The following MXRA5 variants were observed in gnomAD, a reference collection of about 807,000 sequenced individuals.
The protein encoded by MXRA5 is matrix remodeling associated 5, also known as matrix-remodeling-associated protein 5.
A neutral mutation model predicts 112.5 loss-of-function variants in MXRA5; 41 were observed. The ratio of observed to expected loss-of-function variants is 0.36; its 90% confidence interval spans 0.28 to 0.47. The LOEUF (loss-of-function observed/expected upper bound fraction) is 0.47, where lower values mean the gene tolerates loss of function less well. Ranked by LOEUF, MXRA5 falls within the 20% of genes least tolerant of loss-of-function variation. The pLI is 0.99. For missense variants in MXRA5, 2,150 were observed against 2,251.0 expected, an observed-to-expected ratio of 0.96 and a Z score of 0.91; for synonymous variants, 862 against 900.8, an observed-to-expected ratio of 0.96 and a Z score of 0.77.
intron 4 of MXRA5, among the ~76,000 whole-genome samples, chrX:3,326,927 T>C (rs1031905505): frequency 8.9e-6 from 1 of 111,900 alleles, no homozygotes; most frequent in Non-Finnish European, 1.9e-5. Flanking sequence ...CACACCCCAT[T>C]GCCTCTTTGA....
Position 3,320,475 on chromosome X carries a change from G to A in MXRA5, c.5210C>T (p.Thr1737Ile), listed in dbSNP as rs201840964. ...NGRLPFFTNK[T>I]LSFPQLGVTR... ...GACTCCCAACTGTGGAAAAGAAAGAGTCTTGTTGGTAAAGAAAGGGAGTCT... is the reference window on the plus strand; with the variant it reads ...GACTCCCAACTGTGGAAAAGAAAGAATCTTGTTGGTAAAGAAAGGGAGTCT... Residue 1737 changes from threonine to isoleucine, a missense_variant, in exon 5 of 7, where the codon ACT becomes ATT. Physicochemically the swap from Thr to Ile is moderately conservative, Grantham distance 89. Transcript: ENST00000217939. 1 of 1,209,599 alleles carries A rather than the reference G, an allele frequency of 8.3e-7. No homozygotes were observed. Among genetic ancestry groups the A allele is most frequent in the East Asian group, 3.0e-5 (1 of 33,766 alleles).
At chrX:3,312,955 A>G (rs141318966) in intron 6 of MXRA5, among the ~76,000 whole-genome samples, 9,853 of 112,082 alleles carry the variant, frequency 0.088, 469 homozygotes, top group African/African-American at 0.19. Flanking sequence ...CAACCTAATC[A>G]TTGTAATAAA....
At chrX:3,344,087 C>A (rs1351290824) in intron 1 of MXRA5, among the ~76,000 whole-genome samples, 1 of 109,341 alleles carries the variant, frequency 9.1e-6, no homozygotes, top group Non-Finnish European at 1.9e-5. Flanking sequence ...AGTCTTGATT[C>A]TTGGCTTCGA....
chrX:3,321,531 G>A lies in MXRA5; in HGVS notation c.4154C>T (p.Thr1385Met), dbSNP rs755896826. The A allele has an allele frequency of 1.0e-4, 124 of 1,207,992 alleles. No homozygotes were observed. Among genetic ancestry groups the A allele is most frequent in the Middle Eastern group, 2.5e-4 (1 of 4,048 alleles). ...TGTCTGTAGCCTCCCAGGCTGGGCC[G>A]TCCTTGAGGGATTCCAGGTTGGAGT... ...PGTPTWNPSR[T>M]AQPGRLQTGI... The change falls in exon 5 of 7, where the codon ACG becomes ATG. Residue 1385 changes from threonine to methionine, a missense_variant. Thr to Met is a moderately conservative substitution (Grantham distance 81, BLOSUM62 -1). Around this residue, in one of 6 missense-constraint regions of MXRA5, gnomAD observed 1,485 missense variants for 1,471.6 expected, o/e 1.01. Coordinates refer to ENST00000217939, the MANE Select transcript of MXRA5 (RefSeq NM_015419.4).
Position 3,310,701 on chromosome X carries a change from C to A in MXRA5, c.7502G>T (p.Gly2501Val). ...YGNRITVHGN[G>V]SLDIRSLRKS... Reference sequence around the variant, plus strand: ...CCTCAAACTCCTGATGTCCAGGGAACCGTTGCCATGGACAGTGATCCGGTT... The same window carrying A: ...CCTCAAACTCCTGATGTCCAGGGAAACGTTGCCATGGACAGTGATCCGGTT... The change falls in exon 7 of 7, where the codon GGT becomes GTT. Residue 2501 changes from glycine (G) to valine (V), a missense_variant. Around this residue, in one of 6 missense-constraint regions of MXRA5, gnomAD observed 93 missense variants for 135.5 expected, o/e 0.69. Coordinates refer to ENST00000217939, the MANE Select transcript of MXRA5 (RefSeq NM_015419.4). The A allele has an allele frequency of 8.4e-7, 1 of 1,193,693 alleles. No homozygotes were observed. The highest frequency in any genetic ancestry group is 1.1e-6 in the Non-Finnish European group (1 of 887,424).
At position 3,311,567 on chromosome X, in the gene MXRA5, C is replaced by T. The variant is rs754652593; in HGVS notation, c.6636G>A (p.Thr2212=). 17 of 1,210,250 alleles carry T rather than the reference C, an allele frequency of 1.4e-5. No individual in the cohort carries two copies. Among genetic ancestry groups the T allele is most frequent in the South Asian group, 5.3e-5 (3 of 56,802 alleles). Residue 2212 remains threonine, a synonymous_variant, in exon 7 of 7, where the codon ACG becomes ACA. Transcript: ENST00000217939. ...ACAGGTAATCTCCGGCATCTTTGTC[C>T]GTCACTGATTTCACCACCAGGGTCC... ...ANGTLVVKSV[T]DKDAGDYLCV...
rs1180549288 is a variant in MXRA5, at chrX:3,321,647, T to C, written c.4038A>G (p.Glu1346=). ...KHKSDILVTG[E]SITNAIPTSR... is the part of the protein sequence containing the mutation. The stretch of plus-strand genomic sequence containing the variant: ...AAGTTGGTATGGCATTAGTAATTGA[T>C]TCACCAGTGACTAAAATGTCACTTT... The change falls in exon 5 of 7, where the codon GAA becomes GAG. Residue 1346 remains glutamate (E), a synonymous_variant. Coordinates refer to ENST00000217939, the MANE Select transcript of MXRA5 (RefSeq NM_015419.4). 8.3e-7 allele frequency: 1 copy of C among 1,211,369 alleles called. No individual in the cohort carries two copies. The highest frequency in any genetic ancestry group is 1.1e-6 in the Non-Finnish European group (1 of 895,042).
At chrX:3,330,958 A>G (rs1447760269) in intron 2 of MXRA5, among the ~76,000 whole-genome samples, 185 bp from the exon 3 acceptor site, 3 of 111,524 alleles carry the variant, frequency 2.7e-5, no homozygotes, top group South Asian at 3.8e-4. Context: ...GCTGGAGTGC[A>G]GCGGTGCAAT....
Position 3,322,418 on chromosome X carries a change from C to G in MXRA5, c.3267G>C (p.Glu1089Asp). The G allele has an allele frequency of 8.3e-7, 1 of 1,211,454 alleles. No homozygotes were observed. The highest frequency in any genetic ancestry group is 1.1e-6 in the Non-Finnish European group (1 of 895,323). The change falls in exon 5 of 7, where the codon GAG becomes GAC. Residue 1089 changes from glutamate to aspartate, a missense_variant. Glu to Asp is a conservative substitution (Grantham distance 45). Around this residue, in one of 6 missense-constraint regions of MXRA5, gnomAD observed 1,485 missense variants for 1,471.6 expected, o/e 1.01. Transcript: ENST00000217939. The stretch of plus-strand genomic sequence containing the variant: ...AGTCAGGCAAAGTGATGGATTTGCT[C>G]TCTTGGCCCTCACTCTCAGAACTTC... ...HSRSSESEGQ[E>D]SKSITLPDST...
chrX:3,317,132 C>A lies in MXRA5; in HGVS notation c.6549G>T (p.Pro2183=), dbSNP rs775422507. Residue 2183 remains proline, a synonymous_variant, in exon 6 of 7, where the codon CCG becomes CCT. Transcript: ENST00000217939. ...DPWPRILWRL[P]SKRMIDALFS... ...AGAGCGCGTCGATCATCCTCTTGGACGGCAGCCTCCAGAGGATGCGCGGCC... is the reference window on the plus strand; with the variant it reads ...AGAGCGCGTCGATCATCCTCTTGGAAGGCAGCCTCCAGAGGATGCGCGGCC... The A allele has an allele frequency of 8.4e-7, 1 of 1,185,052 alleles. No individual in the cohort carries two copies. Among genetic ancestry groups the A allele is most frequent in the East Asian group, 3.0e-5 (1 of 32,844 alleles).
intron 4 of MXRA5, among the ~76,000 whole-genome samples, chrX:3,325,965 T>C (rs1265331699): frequency 2.0e-5 from 1 of 49,894 alleles, no homozygotes; most frequent in Non-Finnish European, 4.2e-5. Flanking sequence ...ATATAATTTA[T>C]AATTATAAAT....
At chrX:3,314,806 G>T (rs1228853410) in intron 6 of MXRA5, among the ~76,000 whole-genome samples, 1 of 109,416 alleles carries the variant, frequency 9.1e-6, no homozygotes, top group African/African-American at 3.3e-5. Flanking sequence ...AAAAAATGTT[G>T]CCAGACATAG....
intron 6 of MXRA5, among the ~76,000 whole-genome samples, chrX:3,312,867 G>T (rs1161546057): frequency 8.9e-6 from 1 of 111,854 alleles, no homozygotes; most frequent in Admixed American, 9.4e-5. Context: ...ACCATACCTG[G>T]CAAGACTCCA....
At chrX:3,315,397 A>G (rs1379925259) in intron 6 of MXRA5, among the ~76,000 whole-genome samples, 64 of 84,694 alleles carry the variant, frequency 7.6e-4, no homozygotes, top group East Asian at 9.8e-4. Context: ...TAGATGATAG[A>G]TAGATAGATA....
At position 3,320,368 on chromosome X, in the gene MXRA5, G is replaced by A. The variant is rs777185808; in HGVS notation, c.5317C>T (p.His1773Tyr). 1 of 1,210,222 alleles carries A rather than the reference G, an allele frequency of 8.3e-7. No homozygotes were observed. Among genetic ancestry groups the A allele is most frequent in the East Asian group, 3.0e-5 (1 of 33,783 alleles). Residue 1773 changes from histidine (H) to tyrosine (Y), a missense_variant, in exon 5 of 7, where the codon CAT becomes TAT. Physicochemically the swap from His to Tyr is moderately conservative, Grantham distance 83 (BLOSUM62 2). Around this residue, in one of 6 missense-constraint regions of MXRA5, gnomAD observed 1,485 missense variants for 1,471.6 expected, o/e 1.01. Transcript: ENST00000217939. ...KVIPGSYNRI[H>Y]SHSTFHLDFG... ...TCCAGATGGAAGGTGCTATGGGAAT[G>A]TATCCTGTTGTAGGAACCTGGAATA...
intron 4 of MXRA5, among the ~76,000 whole-genome samples, chrX:3,329,257 G>A (rs1212582311): frequency 6.7e-5 from 4 of 60,129 alleles, no homozygotes; most frequent in Admixed American, 2.0e-4. Flanking sequence ...AAGGTGGGAA[G>A]CAGGGAAGGA....
In MXRA5 at chrX:3,330,515, T is replaced by C. The variant is rs894555051; in HGVS notation, c.319-107A>G. 3 of 1,115,774 alleles carry C rather than the reference T, an allele frequency of 2.7e-6. No homozygotes were observed. The African/African-American group carries it at 5.5e-5, about 21-fold the overall frequency. 92.0% of individuals were successfully genotyped at this position (1,115,774 alleles called of 1,213,427 possible). ...TACAAAGGGCTGGAGAGTAATGACATGAAGCTTGTCTTTCATGTCAAACAA... is the reference window on the plus strand; with the variant it reads ...TACAAAGGGCTGGAGAGTAATGACACGAAGCTTGTCTTTCATGTCAAACAA... On this transcript the variant is annotated intron_variant, in intron 3 of 6. Coordinates refer to ENST00000217939, the MANE Select transcript of MXRA5 (RefSeq NM_015419.4).
intron 2 of MXRA5, among the ~76,000 whole-genome samples, chrX:3,343,115 C>G (rs1922026700): frequency 8.9e-6 from 1 of 112,669 alleles, no homozygotes; most frequent in Admixed American, 9.4e-5. Flanking sequence ...AAAAGTCTGT[C>G]TGGCAAGCCA....
At chrX:3,326,407 G>A (rs1291787787) in intron 4 of MXRA5, among the ~76,000 whole-genome samples, 1 of 98,566 alleles carries the variant, frequency 1.0e-5, no homozygotes, top group Non-Finnish European at 2.0e-5. Flanking sequence ...TAATCAATAT[G>A]TATCTAGGGA....
Sources: allele counts gnomAD v4.1 joint callset (sites outside exome capture counted in the v4.1 genomes callset), GRCh38; gene constraint gnomAD v4.1.1; regional missense constraint gnomAD v4.1.1; transcripts MANE v1.5; gene names NCBI Gene and HGNC (gene_info 2026-07-23, HGNC 2026-07-21).